Variants in FNIP2 observed in about 807,000 individuals in gnomAD.
The protein encoded by FNIP2 is folliculin-interacting protein 2.
A neutral mutation model predicts 108.7 loss-of-function variants in FNIP2; 32 were observed. That is an observed-to-expected ratio of 0.29 (90% CI 0.22 to 0.40). The LOEUF (loss-of-function observed/expected upper bound fraction) is 0.40. FNIP2 is among the 10% of genes least tolerant of loss of function. The pLI, the probability that FNIP2 is intolerant of heterozygous loss-of-function variation, is 1.00. For missense variants in FNIP2, 1,202 were observed against 1,381.6 expected (o/e 0.87, Z 2.06); for synonymous variants, 480 against 496.7 (o/e 0.97, Z 0.45).
In FNIP2 at chr4:158,871,629, G is replaced by A. The variant is rs1780954082; in HGVS notation, c.2949+1160G>A. On this transcript the variant is annotated intron_variant, in intron 14 of 16. Coordinates refer to ENST00000264433, the MANE Select transcript of FNIP2 (RefSeq NM_020840.3). ...TCAGAAGCTGGGGAAAGCCAGCCCA[G>A]TGTACACGTGTGTGGCCAAACGTTC... The A allele has an allele frequency of 1.4e-5, 14 of 985,260 alleles. No homozygotes were observed. The South Asian group carries it at 6.1e-4, about 43-fold the overall frequency. The allele number at this position is 985,260 out of a possible 1,614,324, so 61.0% of individuals were successfully genotyped here.
chr4:158,890,389 C>T (rs1485136807), intron 14 of FNIP2: 10 of 980,698 alleles, frequency 1.0e-5, no homozygotes, highest in African/African-American at 3.5e-5. Flanking sequence ...TTGGTCCGCA[C>T]GAAGTTTTCA....
At position 158,835,550 on chromosome 4, in the gene FNIP2, A is replaced by C; in HGVS notation, c.727+74A>C. 3 of 1,352,388 alleles carry C rather than the reference A, an allele frequency of 2.2e-6. No homozygotes were observed. In the South Asian group the frequency reaches 3.5e-5, roughly 16 times the overall value. The allele number at this position is 1,352,388 out of a possible 1,614,324, so 83.8% of individuals were successfully genotyped here. A position where few individuals can be genotyped will look rare whatever the true frequency, so the allele number is the denominator to read the frequency against. On this transcript the variant is annotated intron_variant, in intron 7 of 16. Coordinates refer to ENST00000264433, the MANE Select transcript of FNIP2 (RefSeq NM_020840.3). ...AGTGGTGTGGAAGGTGGGAAAGTAG[A>C]AGACAGGTAGATAACCCTCATCCTG... is the stretch of plus-strand genomic sequence containing the variant.
rs1428316825 is a variant in FNIP2 at position 158,869,215 on chromosome 4, G to A, written c.2579G>A (p.Arg860Gln). The stretch of plus-strand genomic sequence containing the variant: ...CCTGTTGCCCCCAGGTGTGTCCAGC[G>A]GGGCCCTGGCCTCGTGGCTGGTGCG... ...LEPVAPRCVQ[R>Q]GPGLVAGANI... Residue 860 changes from arginine to glutamine, a missense_variant, in exon 13 of 17, where the codon CGG (arginine) becomes CAG (glutamine). Physicochemically the swap from Arg to Gln is conservative, Grantham distance 43. Coordinates refer to ENST00000264433, the MANE Select transcript of FNIP2 (RefSeq NM_020840.3). 9 of 1,613,916 alleles carry A rather than the reference G, an allele frequency of 5.6e-6. No individual in the cohort carries two copies. Among genetic ancestry groups the A allele is most frequent in the African/African-American group, 2.7e-5 (2 of 74,938 alleles).
intron 1 of FNIP2, among the ~76,000 whole-genome samples, chr4:158,787,213 A>G (rs575113557): frequency 2.0e-5 from 3 of 152,316 alleles, no homozygotes; most frequent in South Asian, 2.1e-4. Context: ...TGTTTAGCCA[A>G]TGAAATGTAG....
chr4:158,778,171 T>G (rs1775920073), intron 1 of FNIP2, among the ~76,000 whole-genome samples: 1 of 152,254 alleles, frequency 6.6e-6, no homozygotes, highest in South Asian at 2.1e-4. Context: ...CTTGATTTAA[T>G]AGATCTGGGC....
At chr4:158,832,177 A>G (rs751595766) in intron 5 of FNIP2, 39 bp downstream of exon 5, 12 of 1,514,056 alleles carry the variant, frequency 7.9e-6, no homozygotes, top group East Asian at 2.3e-5. Flanking sequence ...CCCATTTTTT[A>G]AAGTGTGTAT....
intron 1 of FNIP2, among the ~76,000 whole-genome samples, chr4:158,819,859 G>C (rs1777781626): frequency 6.6e-6 from 1 of 152,136 alleles, no homozygotes; most frequent in Non-Finnish European, 1.5e-5. Context: ...AGAGATTTCT[G>C]TTTGTACTTA....
intron 7 of FNIP2, among the ~76,000 whole-genome samples, chr4:158,837,554 A>G (rs1778878453): frequency 6.6e-6 from 1 of 152,212 alleles, no homozygotes; most frequent in African/African-American, 2.4e-5. Context: ...CTTGTTTTGT[A>G]TTCAGATTCT....
At chr4:158,815,969 C>T (rs1777544229) in intron 1 of FNIP2, among the ~76,000 whole-genome samples, 1 of 152,104 alleles carries the variant, frequency 6.6e-6, no homozygotes, top group Non-Finnish European at 1.5e-5. Flanking sequence ...AATTTGTTTC[C>T]AAACAGTGCT....
Position 158,905,241 on chromosome 4 carries a change from A to C in FNIP2, c.*697A>C. 1 of 152,420 alleles carries C rather than the reference A, an allele frequency of 6.6e-6. No homozygotes were observed. Among genetic ancestry groups the C allele is most frequent in the Non-Finnish European group, 1.5e-5 (1 of 68,108 alleles). The allele number at this position is 152,420 out of a possible 1,614,324, so 9.4% of individuals were successfully genotyped here. ...TCAGAGATGGATTGTTGGTGCAATAAACCCAAGAATCAATGTAGCCTCTTA... is the reference window on the plus strand; with the variant it reads ...TCAGAGATGGATTGTTGGTGCAATACACCCAAGAATCAATGTAGCCTCTTA... On this transcript the variant is annotated 3_prime_UTR_variant, in exon 17 of 17. Coordinates refer to ENST00000264433, the MANE Select transcript of FNIP2 (RefSeq NM_020840.3).
chr4:158,841,920 C>T (rs1231185837), intron 7 of FNIP2, among the ~76,000 whole-genome samples: 1 of 152,256 alleles, frequency 6.6e-6, no homozygotes, highest in Non-Finnish European at 1.5e-5. Context: ...TGGGAGCTGG[C>T]ACCTTTGGCT....
chr4:158,865,039 C>T (rs4234926), intron 12 of FNIP2, among the ~76,000 whole-genome samples: 47,300 of 152,020 alleles, frequency 0.31, 9,679 homozygotes, highest in East Asian at 0.83. Flanking sequence ...ACCTCTTCTC[C>T]TACTTTGTCC....
chr4:158,813,496 A>G lies in FNIP2; in HGVS notation c.108-12420A>G, dbSNP rs75903357. Among the ~76,000 whole-genome samples the G allele has an allele frequency of 3.4e-4, 52 of 152,306 alleles. No homozygotes were observed. The East Asian group carries it at 9.8e-3, about 29-fold the overall frequency. On this transcript the variant is annotated intron_variant, in intron 1 of 16. Transcript: ENST00000264433. ...TTGTATTATCGTTGGTGAGGTGTCT[A>G]TTCAGGTCCTTTGCCCATTTTTTCA...
chr4:158,809,494 C>T (rs962682190), intron 1 of FNIP2, among the ~76,000 whole-genome samples: 15 of 152,156 alleles, frequency 9.9e-5, no homozygotes, highest in African/African-American at 3.6e-4. Context: ...AAATATGATG[C>T]CAGGTATATG....
At chr4:158,887,474 C>T (rs916244440) in intron 14 of FNIP2, among the ~76,000 whole-genome samples, 2 of 152,088 alleles carry the variant, frequency 1.3e-5, no homozygotes, top group South Asian at 2.1e-4. Context: ...CGGTGGCTCA[C>T]GCCTGTAATC....
intron 1 of FNIP2, among the ~76,000 whole-genome samples, chr4:158,784,171 A>T (rs537546101): frequency 6.6e-6 from 1 of 152,348 alleles, no homozygotes; most frequent in South Asian, 2.1e-4. Flanking sequence ...TTGTCAGAAG[A>T]TATTAAGCCA....
At chr4:158,841,771 A>G (rs1460057790) in intron 7 of FNIP2, among the ~76,000 whole-genome samples, 4 of 152,244 alleles carry the variant, frequency 2.6e-5, no homozygotes, top group Admixed American at 6.5e-5. Context: ...GCCTCAGACT[A>G]GAGCTGCAGT....
chr4:158,841,275 A>T (rs1265375050), intron 7 of FNIP2, among the ~76,000 whole-genome samples: 1 of 152,130 alleles, frequency 6.6e-6, no homozygotes, highest in African/African-American at 2.4e-5. Context: ...GGGTTCCTGC[A>T]TATGGTTTGA....
At chr4:158,785,333 C>T (rs1372582025) in intron 1 of FNIP2, among the ~76,000 whole-genome samples, 1 of 152,114 alleles carries the variant, frequency 6.6e-6, no homozygotes, top group East Asian at 1.9e-4. Flanking sequence ...TTCCGCCCAC[C>T]TTAGCCTCCC....
Sources: allele counts gnomAD v4.1 joint callset (sites outside exome capture counted in the v4.1 genomes callset), GRCh38; gene constraint gnomAD v4.1.1; transcripts MANE v1.5; gene names NCBI Gene and HGNC (gene_info 2026-07-23, HGNC 2026-07-21).